TAMM41: variants seen among roughly 807,000 people sequenced by gnomAD.
TAMM41 encodes the protein TAM41 mitochondrial translocator assembly and maintenance homolog.
TAMM41 carries 36 observed loss-of-function variants against 44.1 expected under a neutral mutation model. The observed-to-expected ratio is 0.82, with a 90% CI of 0.63 to 1.08. The LOEUF is 1.08. TAMM41 is among the 50% of genes least tolerant of loss of function. TAMM41 has a pLI of 0.00. For missense variants in TAMM41, 417 were observed against 404.3 expected (o/e 1.03, Z -0.27); for synonymous variants, 164 against 153.1 (o/e 1.07, Z -0.53).
chr3:11,808,576 AAT>A, intron 6 of TAMM41: 4 of 985,462 alleles, frequency 4.1e-6, no homozygotes, highest in Non-Finnish European at 4.8e-6. Context: ...GAGCTCAGTA[AAT>A]ATTTACTGAA....
chr3:11,828,934 T>C (rs2078870991), intron 4 of TAMM41, among the ~76,000 whole-genome samples: 1 of 152,172 alleles, frequency 6.6e-6, no homozygotes, highest in East Asian at 1.9e-4. Context: ...TTTTTTAAGA[T>C]GGTGGTTTTC....
the TAMM41 span, among the ~76,000 whole-genome samples, chr3:11,778,876 A>C: frequency 6.6e-6 from 1 of 152,176 alleles, no homozygotes. Context: ...CTTATCAGAT[A>C]CATGATTTAC....
intron 7 of TAMM41, among the ~76,000 whole-genome samples, chr3:11,805,869 C>T (rs867497192): frequency 5.9e-5 from 9 of 152,190 alleles, no homozygotes; most frequent in Non-Finnish European, 1.2e-4. Context: ...GTGTTCCCAC[C>T]CAAATCTTAC....
chr3:11,790,467 T>A lies in TAMM41; in HGVS notation c.*38A>T. On this transcript the variant is annotated 3_prime_UTR_variant, in exon 8 of 8. Transcript: ENST00000455809. ...TTCTGTCAAAAAGGATCAAACACTT[T>A]ATTCATCTACACATAACATATATAA... is the stretch of plus-strand genomic sequence containing the variant. 1.9e-6 allele frequency: 3 copies of A among 1,539,792 alleles called. No homozygotes were observed. The highest frequency in any genetic ancestry group is 2.7e-6 in the Non-Finnish European group (3 of 1,114,506).
chr3:11,736,628 G>A, the TAMM41 span, among the ~76,000 whole-genome samples: 1 of 152,080 alleles, frequency 6.6e-6, no homozygotes, highest in Non-Finnish European at 1.5e-5. Flanking sequence ...ATCACAGCGG[G>A]GCCTCAGCGC....
At chr3:11,807,628 C>T in intron 7 of TAMM41, 1 of 1,536,208 alleles carries the variant, frequency 6.5e-7, no homozygotes, top group Non-Finnish European at 8.7e-7. Context: ...CTTCCAACAG[C>T]ACTGCCAATG....
intron 7 of TAMM41, among the ~76,000 whole-genome samples, chr3:11,804,287 C>CAAACTTAA (rs2077837184): frequency 6.6e-6 from 1 of 152,052 alleles, no homozygotes; most frequent in African/African-American, 2.4e-5. Context: ...GAGAAAAATT[C>CAAACTTAA]AAACTTAAAT....
downstream of TAMM41, among the ~76,000 whole-genome samples, chr3:11,786,316 A>ATTATTATTATTT (rs1553564672): frequency 5.8e-4 from 78 of 134,694 alleles, no homozygotes; most frequent in Non-Finnish European, 8.3e-4. Context: ...TATTATTATT[A>ATTATTATTATTT]TTTTTTGAGA....
At chr3:11,774,880 T>TC in the TAMM41 span, among the ~76,000 whole-genome samples, 21 of 151,810 alleles carry the variant, frequency 1.4e-4, no homozygotes, top group African/African-American at 5.1e-4. Context: ...ATTTTTTTTT[T>TC]TTTTTTGAGA....
chr3:11,740,599 TGAGACG>T, the TAMM41 span, among the ~76,000 whole-genome samples: 1 of 152,112 alleles, frequency 6.6e-6, no homozygotes, highest in Non-Finnish European at 1.5e-5. Context: ...CTTTTTTTTT[TGAGACG>T]GAGTTTTGCT....
the TAMM41 span, among the ~76,000 whole-genome samples, chr3:11,746,274 A>G: frequency 6.7e-6 from 1 of 148,616 alleles, no homozygotes; most frequent in African/African-American, 2.5e-5. Flanking sequence ...ACTGCACTCC[A>G]GCCTGGGCGA....
chr3:11,739,083 G>T, the TAMM41 span, among the ~76,000 whole-genome samples: 1 of 152,134 alleles, frequency 6.6e-6, no homozygotes, highest in Non-Finnish European at 1.5e-5. Flanking sequence ...ATGCTTTGGT[G>T]TATGCAGGGC....
intron 7 of TAMM41, chr3:11,807,413 AC>A (rs2077945565): frequency 6.5e-7 from 1 of 1,529,904 alleles, no homozygotes; most frequent in Non-Finnish European, 8.7e-7. Context: ...ACGAAAACTT[AC>A]CATTTAGAGA....
chr3:11,747,857 TCAATATTTAC>T, the TAMM41 span, among the ~76,000 whole-genome samples: 1 of 145,372 alleles, frequency 6.9e-6, no homozygotes, highest in Non-Finnish European at 1.5e-5. Context: ...TCAAGTCTAT[TCAATATTTAC>T]TATTTATTTA....
intron 7 of TAMM41, among the ~76,000 whole-genome samples, chr3:11,803,215 C>T (rs1468835414): frequency 1.3e-5 from 2 of 152,034 alleles, no homozygotes; most frequent in Admixed American, 6.6e-5. Flanking sequence ...GAGGTTGCTG[C>T]GAGCTGAGAT....
intron 7 of TAMM41, among the ~76,000 whole-genome samples, chr3:11,806,515 T>C (rs1163821107): frequency 1.3e-5 from 2 of 151,912 alleles, no homozygotes; most frequent in Non-Finnish European, 2.9e-5. Context: ...GGTTGGAAGC[T>C]AAAGTTGAGA....
chr3:11,842,561 G>A (rs1306985896), intron 2 of TAMM41, among the ~76,000 whole-genome samples: 1 of 151,324 alleles, frequency 6.6e-6, no homozygotes, highest in Non-Finnish European at 1.5e-5. Context: ...AGGCGTGGTG[G>A]TATGTGCCTG....
intron 5 of TAMM41, among the ~76,000 whole-genome samples, chr3:11,816,805 A>T (rs2078296952): frequency 6.6e-6 from 1 of 152,096 alleles, no homozygotes; most frequent in South Asian, 2.1e-4. Flanking sequence ...CAACAACCAG[A>T]CACCAAACTG....
At chr3:11,765,549 C>T in the TAMM41 span, among the ~76,000 whole-genome samples, 150 of 152,254 alleles carry the variant, frequency 9.9e-4, no homozygotes, top group African/African-American at 3.3e-3. Context: ...CCTCAGGATA[C>T]CCCATATTAA....
Sources: gnomAD v4.1 joint callset for allele counts (sites outside exome capture counted in the v4.1 genomes callset) on GRCh38, gnomAD v4.1.1 for gene constraint, MANE v1.5 for transcripts, NCBI Gene and HGNC (gene_info 2026-07-23, HGNC 2026-07-21) for gene names.